Variants in RAB5B observed in about 807,000 individuals in gnomAD.
RAB5B encodes RAB5B, member RAS oncogene family.
A neutral mutation model predicts 28.6 loss-of-function variants in RAB5B; 11 were observed. That is an observed-to-expected ratio of 0.38 (90% CI 0.24 to 0.64). RAB5B has a LOEUF of 0.64. Among genes scored for constraint, RAB5B ranks in the 30% least tolerant of loss-of-function variants. The probability of loss-of-function intolerance (pLI) is 0.53; values close to 1 mark genes in which losing one functional copy is unlikely to be tolerated. For missense variants in RAB5B, 169 were observed against 265.6 expected, an observed-to-expected ratio of 0.64 and a Z score of 2.53; for synonymous variants, 93 against 97.9, an observed-to-expected ratio of 0.95 and a Z score of 0.29.
rs1890182095 is a variant in RAB5B, at chr12:55,992,997, G to C, written c.*785G>C. On this transcript the variant is annotated 3_prime_UTR_variant, in exon 6 of 6. Coordinates refer to ENST00000360299, the MANE Select transcript of RAB5B (RefSeq NM_002868.4). ...AGGTAGCGTTTCCCCTAATCGTGGG[G>C]GTTGGACCCCAGAGTCTTCCAAAGA... The C allele has an allele frequency of 5.5e-6, 1 of 181,880 alleles. No individual in the cohort carries two copies. Among genetic ancestry groups the C allele is most frequent in the Non-Finnish European group, 1.1e-5 (1 of 89,064 alleles). The allele number at this position is 181,880 out of a possible 1,614,324, so 11.3% of individuals were successfully genotyped here.
chr12:55,978,453 G>A lies in RAB5B; in HGVS notation c.-93+4314G>A, dbSNP rs539541652. Among the ~76,000 whole-genome samples the A allele has an allele frequency of 3.0e-4, 46 of 151,952 alleles. 1 individual carries two copies. The Middle Eastern group carries it at 0.01, about 34-fold the overall frequency. On this transcript the variant is annotated intron_variant, in intron 1 of 5. Transcript: ENST00000360299. ...TGGGAGGCAGAGCTTGCAGTGAGCC[G>A]AGATCGCGTCACTGCACTCCAGCCT...
intron 1 of RAB5B, among the ~76,000 whole-genome samples, chr12:55,980,232 C>G (rs778669149): frequency 1.3e-5 from 2 of 152,104 alleles, no homozygotes; most frequent in South Asian, 4.1e-4. Flanking sequence ...ATTCATTCCT[C>G]TCCCTTCTCC....
chr12:55,986,666 G>A (rs1347249815), intron 1 of RAB5B, among the ~76,000 whole-genome samples: 1 of 152,178 alleles, frequency 6.6e-6, no homozygotes, highest in Non-Finnish European at 1.5e-5. Flanking sequence ...TTGGCAGTTA[G>A]AGATTATGTG....
chr12:55,992,764 GT>G lies in RAB5B; in HGVS notation c.*554del, dbSNP rs1890174093. The stretch of plus-strand genomic sequence containing the variant: ...AACATTTCCTTTTTGTTTTTATTTG[GT>G]TGGAGTTTCTCATATTTGAAAACAT... On this transcript the variant is annotated 3_prime_UTR_variant, in exon 6 of 6. Coordinates refer to ENST00000360299, the MANE Select transcript of RAB5B (RefSeq NM_002868.4). 1 of 298,592 alleles carries G rather than the reference GT, an allele frequency of 3.3e-6. No individual in the cohort carries two copies. The highest frequency in any genetic ancestry group is 2.3e-5 in the African/African-American group (1 of 42,612). 18.5% of individuals were successfully genotyped at this position (298,592 alleles called of 1,614,324 possible). A position where few individuals can be genotyped will look rare whatever the true frequency, so the allele number is the denominator to read the frequency against.
intron 2 of RAB5B, 61 bp from the exon 3 acceptor site, chr12:55,989,886 A>G: frequency 1.3e-6 from 2 of 1,523,694 alleles, no homozygotes; most frequent in Non-Finnish European, 1.8e-6. Flanking sequence ...GAAGGGGGGG[A>G]GGGATGTTCC....
intron 1 of RAB5B, among the ~76,000 whole-genome samples, chr12:55,982,245 A>G (rs1592797499): frequency 1.8e-5 from 1 of 56,046 alleles, no homozygotes; most frequent in African/African-American, 8.2e-5. Context: ...CTGGTTTACC[A>G]AAAAAAAAAA....
At chr12:55,974,996 C>CTA (rs1162214479) in intron 1 of RAB5B, among the ~76,000 whole-genome samples, 1 of 152,044 alleles carries the variant, frequency 6.6e-6, no homozygotes, top group Non-Finnish European at 1.5e-5. Flanking sequence ...CATAGCTGGT[C>CTA]TATACTGCAG....
chr12:55,990,642 C>G (rs1220222636), intron 3 of RAB5B, 40 bp from the exon 4 acceptor site: 1 of 1,609,182 alleles, frequency 6.2e-7, no homozygotes, highest in Non-Finnish European at 8.5e-7. Context: ...TATGGATTGG[C>G]AGTCATTCCA....
chr12:55,987,165 G>T (rs1323395162), intron 2 of RAB5B, 42 bp downstream of exon 2: 1 of 1,550,360 alleles, frequency 6.5e-7, no homozygotes, highest in Non-Finnish European at 8.7e-7. Context: ...GTTTGGTAAG[G>T]GTTTTTTTTT....
chr12:55,983,367 G>A (rs1889862117), intron 1 of RAB5B, among the ~76,000 whole-genome samples: 1 of 152,152 alleles, frequency 6.6e-6, no homozygotes, highest in African/African-American at 2.4e-5. Context: ...ATTTTAAAAT[G>A]TTATAATTAA....
rs533884973 is a variant in RAB5B, at chr12:55,992,416, C to G, written c.*204C>G. ...AGCTGTTGCCACTGGCCTCCTACCC[C>G]CTACTCTGGGGCTTGGGGGTCAACT... is the stretch of plus-strand genomic sequence containing the variant. On this transcript the variant is annotated 3_prime_UTR_variant, in exon 6 of 6. Coordinates refer to ENST00000360299, the MANE Select transcript of RAB5B (RefSeq NM_002868.4). 3 of 685,078 alleles carry G rather than the reference C, an allele frequency of 4.4e-6. No homozygotes were observed. The highest frequency in any genetic ancestry group is 1.8e-5 in the African/African-American group (1 of 56,340). The allele number at this position is 685,078 out of a possible 1,614,324, so 42.4% of individuals were successfully genotyped here. A position where few individuals can be genotyped will look rare whatever the true frequency, so the allele number is the denominator to read the frequency against.
intron 4 of RAB5B, 84 bp from the exon 5 acceptor site, chr12:55,991,276 T>G (rs954758680): frequency 5.8e-6 from 6 of 1,038,616 alleles, no homozygotes; most frequent in African/African-American, 1.6e-5. Context: ...GGATTTTGCC[T>G]AGCTGTTGTG....
At chr12:55,975,121 T>A (rs1165592505) in intron 1 of RAB5B, among the ~76,000 whole-genome samples, 1 of 152,164 alleles carries the variant, frequency 6.6e-6, no homozygotes, top group Non-Finnish European at 1.5e-5. Flanking sequence ...AAATACCATG[T>A]CTCCTAGAAC....
chr12:55,981,403 T>C (rs1403071508), intron 1 of RAB5B, among the ~76,000 whole-genome samples: 1 of 152,042 alleles, frequency 6.6e-6, no homozygotes, highest in Admixed American at 6.5e-5. Flanking sequence ...TCCTCACCTA[T>C]AAAATATAGA....
intron 4 of RAB5B, 169 bp from the exon 5 acceptor site, chr12:55,991,191 T>C: frequency 1.7e-6 from 1 of 589,572 alleles, no homozygotes; most frequent in Non-Finnish European, 3.0e-6. Flanking sequence ...TGGGGTCATC[T>C]TGAGGGAGTT....
intron 1 of RAB5B, among the ~76,000 whole-genome samples, chr12:55,980,136 C>T (rs983727913): frequency 8.6e-5 from 13 of 152,024 alleles, no homozygotes; most frequent in Non-Finnish European, 1.8e-4. Flanking sequence ...GCCCTGAAAA[C>T]CCAGGTAAGG....
Position 55,992,283 on chromosome 12 carries a change from C to A in RAB5B, c.*71C>A. The A allele has an allele frequency of 7.8e-7, 1 of 1,285,156 alleles. No homozygotes were observed. Among genetic ancestry groups the A allele is most frequent in the Non-Finnish European group, 1.1e-6 (1 of 895,102 alleles). 79.6% of individuals were successfully genotyped at this position (1,285,156 alleles called of 1,614,324 possible). ...AGAAATAACCTCCATCCCTACCCCT[C>A]AGCACACAACCCCTACGGTAACAGC... On this transcript the variant is annotated 3_prime_UTR_variant, in exon 6 of 6. Transcript: ENST00000360299.
intron 1 of RAB5B, among the ~76,000 whole-genome samples, chr12:55,978,983 G>A (rs1354760860): frequency 4.6e-5 from 7 of 151,986 alleles, no homozygotes; most frequent in Admixed American, 4.6e-4. Flanking sequence ...ATATTGGCCA[G>A]GCTGGTCTCG....
chr12:55,974,630 A>G (rs1027618184), intron 1 of RAB5B, among the ~76,000 whole-genome samples: 1 of 152,210 alleles, frequency 6.6e-6, no homozygotes, highest in Admixed American at 6.5e-5. Flanking sequence ...CTTTTCAGGG[A>G]AAGTGCCTAT....
Sources: allele counts gnomAD v4.1 joint callset (sites outside exome capture counted in the v4.1 genomes callset), GRCh38; gene constraint gnomAD v4.1.1; transcripts MANE v1.5; gene names NCBI Gene and HGNC (gene_info 2026-07-23, HGNC 2026-07-21).